Variants in ZNF717 observed in about 807,000 individuals in gnomAD.
ZNF717 encodes the protein zinc finger protein 717.
Under a neutral mutation model 13.8 loss-of-function variants are expected in ZNF717, and 9 were observed. That is an observed-to-expected ratio of 0.65 (90% CI 0.39 to 1.14). The LOEUF is 1.14. ZNF717 is among the 50% of genes most tolerant of loss of function. The pLI is 0.01. For missense variants in ZNF717, 1,040 were observed against 1,080.7 expected (o/e 0.96, Z 0.53); for synonymous variants, 327 against 364.1 (o/e 0.90, Z 1.16).
chr3:75,764,864 G>C lies in ZNF717; in HGVS notation c.57+18442C>G, dbSNP rs1375861058. The stretch of plus-strand genomic sequence containing the variant: ...GATCCAGCCATCCAACTTCTACAGA[G>C]AGACAGAATAACTAGTAGCAGGACC... On this transcript the variant is annotated intron_variant, in intron 2 of 4. Transcript: ENST00000652011. Among the ~76,000 whole-genome samples the C allele has an allele frequency of 5.9e-5, 9 of 152,058 alleles. No individual in the cohort carries two copies. The South Asian group carries it at 1.7e-3, about 28-fold the overall frequency.
chr3:75,738,044 T>A lies in ZNF717; in HGVS notation c.1579A>T (p.Arg527Ter). 3.0e-6 allele frequency: 4 copies of A among 1,342,618 alleles called. No individual in the cohort carries two copies. The highest frequency in any genetic ancestry group is 4.0e-6 in the Non-Finnish European group (4 of 1,006,360). The allele number at this position is 1,342,618 out of a possible 1,614,324, so 83.2% of individuals were successfully genotyped here. A position where few individuals can be genotyped will look rare whatever the true frequency, so the allele number is the denominator to read the frequency against. ...TATGGTTTTTCCCCAGCATGAGTTCTCTGATGGACAGTGAGGAATGACTTA... is the reference window on the plus strand; with the variant it reads ...TATGGTTTTTCCCCAGCATGAGTTCACTGATGGACAGTGAGGAATGACTTA... ...RCKSFLTVHQRTHAGEKPYAC... is the reference protein window; with the variant it reads ...RCKSFLTVHQ The change falls in exon 5 of 5, where the codon AGA becomes TGA. Residue 527 changes from arginine to a stop codon, truncating the protein, a stop_gained. Coordinates refer to ENST00000652011, the MANE Select transcript of ZNF717 (RefSeq NM_001290208.3). LOFTEE classifies it low-confidence loss of function (END_TRUNC).
intron 2 of ZNF717, among the ~76,000 whole-genome samples, chr3:75,751,336 G>A (rs2107399132): frequency 6.6e-6 from 1 of 151,692 alleles, no homozygotes; most frequent in Non-Finnish European, 1.5e-5. Context: ...TAGGATTCCA[G>A]AGCACTGCTA....
intron 5 of ZNF717, among the ~76,000 whole-genome samples, chr3:75,713,588 G>T (rs1937988019): frequency 6.6e-6 from 1 of 151,834 alleles, no homozygotes; most frequent in Admixed American, 6.6e-5. Flanking sequence ...AAGTCATATG[G>T]GTATAAAAAT....
chr3:75,702,147 A>G (rs1211124435), intron 6 of ZNF717, among the ~76,000 whole-genome samples: 1 of 152,306 alleles, frequency 6.6e-6, no homozygotes, highest in African/African-American at 2.4e-5. Flanking sequence ...AAATTGGTAA[A>G]TCAAAGACAT....
At chr3:75,729,399 T>A (rs1938381453), downstream of ZNF717, among the ~76,000 whole-genome samples, 1 of 152,246 alleles carries the variant, frequency 6.6e-6, no homozygotes, top group Non-Finnish European at 1.5e-5. Flanking sequence ...GTGGATCACC[T>A]GAGGTCAGGA....
At chr3:75,739,606 G>A (rs1438788197) in intron 4 of ZNF717, among the ~76,000 whole-genome samples, 1 of 151,942 alleles carries the variant, frequency 6.6e-6, no homozygotes, top group East Asian at 1.9e-4. Flanking sequence ...GAATTATTTG[G>A]TAATAATATG....
chr3:75,782,967 T>C (rs1301717041), intron 2 of ZNF717, among the ~76,000 whole-genome samples: 3 of 152,268 alleles, frequency 2.0e-5, no homozygotes, highest in African/African-American at 7.2e-5. Context: ...ATAACCTATG[T>C]CACCACCGAA....
rs1328015602 is a variant in ZNF717 at position 75,737,637 on chromosome 3, G to C, written c.1986C>G (p.Leu662=). ...CGKTFHRKSF[L]TIHQRTHTGK... The stretch of plus-strand genomic sequence containing the variant: ...CCGTGTGAGTTCTCTGGTGTATGGT[G>C]AGGAATGACTTGCGATGAAAGGTTT... Residue 662 remains leucine, a synonymous_variant, in exon 5 of 5, where the codon CTC becomes CTG. Coordinates refer to ENST00000652011, the MANE Select transcript of ZNF717 (RefSeq NM_001290208.3). The C allele has an allele frequency of 2.7e-4, 422 of 1,544,410 alleles. No individual in the cohort carries two copies. The highest frequency in any genetic ancestry group is 8.4e-4 in the Middle Eastern group (5 of 5,964).
chr3:75,774,500 C>A (rs117387842), intron 2 of ZNF717, among the ~76,000 whole-genome samples: 1 of 151,506 alleles, frequency 6.6e-6, no homozygotes, highest in Non-Finnish European at 1.5e-5. Flanking sequence ...TGTTAAGTCA[C>A]GTGGGAAGCA....
intron 6 of ZNF717, among the ~76,000 whole-genome samples, chr3:75,697,052 G>A (rs1392401159): frequency 6.6e-6 from 1 of 152,348 alleles, no homozygotes; most frequent in African/African-American, 2.4e-5. Flanking sequence ...AGTCATATAT[G>A]ACAGACCAAC....
downstream of ZNF717, among the ~76,000 whole-genome samples, chr3:75,706,967 G>C (rs1575713898): frequency 1.3e-5 from 2 of 152,422 alleles, no homozygotes; most frequent in South Asian, 4.1e-4. Context: ...TCTTACTGGG[G>C]AGAGGTTTAT....
chr3:75,697,125 A>G (rs1365567419), intron 6 of ZNF717, among the ~76,000 whole-genome samples: 3 of 152,372 alleles, frequency 2.0e-5, no homozygotes, highest in African/African-American at 7.2e-5. Context: ...GGAAGATGAC[A>G]AGAATGTCCA....
downstream of ZNF717, among the ~76,000 whole-genome samples, chr3:75,731,863 G>A (rs77184041): frequency 6.6e-6 from 1 of 152,264 alleles, no homozygotes; most frequent in Non-Finnish European, 1.5e-5. Flanking sequence ...AGATTGGAGA[G>A]ATAGAGAAGT....
chr3:75,774,885 C>T (rs1944190135), intron 2 of ZNF717, among the ~76,000 whole-genome samples: 1 of 152,274 alleles, frequency 6.6e-6, no homozygotes, highest in African/African-American at 2.4e-5. Context: ...TCCCAAAGTG[C>T]TGGGATTACA....
intron 4 of ZNF717, among the ~76,000 whole-genome samples, chr3:75,723,248 CTTTTTT>C (rs112455865): frequency 0.017 from 1,419 of 85,828 alleles, no homozygotes; most frequent in Middle Eastern, 0.056. Flanking sequence ...GACAATCTCA[CTTTTTT>C]TTTTTTTTTT....
At chr3:75,703,207 G>A (rs1937733110) in intron 6 of ZNF717, among the ~76,000 whole-genome samples, 1 of 152,304 alleles carries the variant, frequency 6.6e-6, no homozygotes, top group South Asian at 2.1e-4. Flanking sequence ...TCAGCTCCCT[G>A]CTCAACAGCA....
chr3:75,768,710 G>A (rs1234829020), intron 2 of ZNF717, among the ~76,000 whole-genome samples: 2 of 147,668 alleles, frequency 1.4e-5, no homozygotes, highest in Admixed American at 6.8e-5. Context: ...CCTCACTGCG[G>A]CTGAGTGTGT....
intron 4 of ZNF717, among the ~76,000 whole-genome samples, chr3:75,723,489 T>C (rs531896132): frequency 1.8e-3 from 270 of 152,362 alleles, no homozygotes; most frequent in African/African-American, 5.8e-3. Context: ...GTACTAGAAA[T>C]AGAATATAGA....
At position 75,738,364 on chromosome 3, in the gene ZNF717, T is replaced by C. The variant is rs1187566449; in HGVS notation, c.1259A>G (p.Glu420Gly). 1.4e-5 allele frequency: 22 copies of C among 1,542,020 alleles called. No homozygotes were observed. In the South Asian group the frequency reaches 2.3e-4, roughly 16 times the overall value. The change falls in exon 5 of 5, where the codon GAA becomes GGA. Residue 420 changes from glutamate (E) to glycine (G), a missense_variant. Physicochemically the swap from Glu to Gly is moderately conservative, Grantham distance 98 (BLOSUM62 -2). This residue lies in a region of ZNF717 where 873 missense variants were observed against 832.8 expected (regional missense o/e 1.05). Coordinates refer to ENST00000652011, the MANE Select transcript of ZNF717 (RefSeq NM_001290208.3). ...LTIHHRTHTG[E>G]KPYACDHCEE... The stretch of plus-strand genomic sequence containing the variant: ...ACAATGGTCACATGCATAGGGCTTT[T>C]CCCCTGTGTGAGTTCTATGATGTAT...
Sources: gnomAD v4.1 joint callset for allele counts (sites outside exome capture counted in the v4.1 genomes callset) on GRCh38, gnomAD v4.1.1 for gene constraint, gnomAD v4.1.1 regional missense constraint, MANE v1.5 for transcripts, NCBI Gene and HGNC (gene_info 2026-07-23, HGNC 2026-07-21) for gene names.